Variants in BMPR1A observed in about 807,000 individuals in gnomAD.
BMPR1A encodes bone morphogenetic protein receptor type 1A.
In BMPR1A, 7 loss-of-function variants were observed where a neutral mutation model predicts 66.0. That is an observed-to-expected ratio of 0.11 (90% CI 0.06 to 0.20). The LOEUF is 0.20. Among genes scored for constraint, BMPR1A ranks in the 10% least tolerant of loss-of-function variants. The pLI is 1.00. For missense variants in BMPR1A, 408 were observed against 669.1 expected (o/e 0.61, Z 4.31); for synonymous variants, 200 against 229.7 (o/e 0.87, Z 1.17).
At chr10:86,932,153 T>C (rs1843817937), downstream of BMPR1A, 1 of 152,252 alleles carries the variant, frequency 6.6e-6, no homozygotes, top group South Asian at 2.1e-4. Flanking sequence ...TTGTAATGTT[T>C]GTAATGTCCA....
chr10:86,766,550 G>A (rs574141957), intron 1 of BMPR1A, among the ~76,000 whole-genome samples: 99 of 151,222 alleles, frequency 6.5e-4, no homozygotes, highest in Non-Finnish European at 1.1e-3. Context: ...CAAAATCTTC[G>A]TAACCATTCA....
At chr10:86,910,221 C>G (rs1412753660) in intron 7 of BMPR1A, among the ~76,000 whole-genome samples, 1 of 152,020 alleles carries the variant, frequency 6.6e-6, no homozygotes, top group Non-Finnish European at 1.5e-5. Flanking sequence ...CCTGTAATCC[C>G]AGCTACTCGG....
chr10:86,865,776 C>T (rs1842778799), intron 2 of BMPR1A, among the ~76,000 whole-genome samples: 1 of 152,230 alleles, frequency 6.6e-6, no homozygotes. Flanking sequence ...GGTCCCTGGT[C>T]AAACTGTATG....
In BMPR1A at chr10:86,923,480, G is replaced by C; in HGVS notation, c.1447G>C (p.Val483Leu). 1 of 1,614,206 alleles carries C rather than the reference G, an allele frequency of 6.2e-7. No homozygotes were observed. Among genetic ancestry groups the C allele is most frequent in the Non-Finnish European group, 8.5e-7 (1 of 1,180,028 alleles). The change falls in exon 12 of 13, where the codon GTG (valine) becomes CTG (leucine). Residue 483 changes from valine to leucine, a missense_variant. Physicochemically the swap from Val to Leu is conservative, Grantham distance 32. Transcript: ENST00000372037. The part of the protein sequence containing the change: ...VVCVKRLRPI[V>L]SNRWNSDECL... ...GTGTGTCAAACGTTTGCGGCCAATTGTGTCTAATCGGTGGAACAGTGATGA... is the reference window on the plus strand; with the variant it reads ...GTGTGTCAAACGTTTGCGGCCAATTCTGTCTAATCGGTGGAACAGTGATGA...
At chr10:86,890,008 A>C (rs1404038898) in intron 3 of BMPR1A, 54 bp from the exon 4 acceptor site, 3 of 1,596,934 alleles carry the variant, frequency 1.9e-6, no homozygotes, top group Non-Finnish European at 2.6e-6. Context: ...AATTGTCACG[A>C]AACAATGAGC....
At chr10:86,898,594 C>T (rs919252828) in intron 5 of BMPR1A, among the ~76,000 whole-genome samples, 1 of 152,152 alleles carries the variant, frequency 6.6e-6, no homozygotes, top group African/African-American at 2.4e-5. Context: ...AAGAATTGTT[C>T]GTTTTTCTCC....
rs190248309 is a variant in BMPR1A at position 86,811,609 on chromosome 10, G to A, written c.-267-27256G>A. Among the ~76,000 whole-genome samples the A allele has an allele frequency of 4.6e-5, 7 of 152,240 alleles. No homozygotes were observed. In the East Asian group the frequency reaches 1.4e-3, roughly 29 times the overall value. ...CAAATTGGCAGCTACACCAAGAGGT[G>A]TGATCAGATTCTGATGTTCAAGGGC... is the stretch of plus-strand genomic sequence containing the variant. On this transcript the variant is annotated intron_variant, in intron 1 of 12. Transcript: ENST00000372037.
At chr10:86,762,055 C>A (rs370769221) in intron 1 of BMPR1A, among the ~76,000 whole-genome samples, 1 of 152,190 alleles carries the variant, frequency 6.6e-6, no homozygotes, top group Non-Finnish European at 1.5e-5. Flanking sequence ...TCAAGTGACT[C>A]TTGCTTACAA....
intron 1 of BMPR1A, among the ~76,000 whole-genome samples, chr10:86,833,406 C>T (rs202222941): frequency 6.6e-6 from 1 of 152,224 alleles, no homozygotes; most frequent in East Asian, 1.9e-4. Context: ...TGAGAGCCTA[C>T]GTCAGACAAT....
chr10:86,832,988 TA>T (rs1437573328), intron 1 of BMPR1A, among the ~76,000 whole-genome samples: 4 of 152,206 alleles, frequency 2.6e-5, no homozygotes, highest in African/African-American at 9.7e-5. Context: ...CTCACGCTTA[TA>T]ATCCCAGTGA....
intron 3 of BMPR1A, among the ~76,000 whole-genome samples, chr10:86,881,594 T>A (rs188675441): frequency 6.9e-4 from 105 of 152,248 alleles, no homozygotes; most frequent in African/African-American, 2.2e-3. Context: ...GGCTACCATA[T>A]TGGACAGCAC....
At chr10:86,760,220 TG>T (rs1841023543) in intron 1 of BMPR1A, among the ~76,000 whole-genome samples, 12 of 131,332 alleles carry the variant, frequency 9.1e-5, no homozygotes, top group Admixed American at 2.3e-4. Context: ...AATACCTTAT[TG>T]TTTTTTCTTT....
At chr10:86,763,635 C>G (rs1012722224) in intron 1 of BMPR1A, among the ~76,000 whole-genome samples, 1 of 152,146 alleles carries the variant, frequency 6.6e-6, no homozygotes, top group African/African-American at 2.4e-5. Context: ...GGGAGTATGG[C>G]TTATGCCTGC....
At chr10:86,814,301 T>A (rs1842006651) in intron 1 of BMPR1A, among the ~76,000 whole-genome samples, 1 of 152,104 alleles carries the variant, frequency 6.6e-6, no homozygotes, top group South Asian at 2.1e-4. Context: ...TTTTTCTTAA[T>A]TTTGGCAAAA....
chr10:86,763,129 C>G (rs192747613), intron 1 of BMPR1A, among the ~76,000 whole-genome samples: 1 of 151,602 alleles, frequency 6.6e-6, no homozygotes, highest in Non-Finnish European at 1.5e-5. Context: ...CTCCTGACCT[C>G]GTGATCCGCC....
At chr10:86,825,019 A>G (rs1564696089) in intron 1 of BMPR1A, among the ~76,000 whole-genome samples, 2 of 152,168 alleles carry the variant, frequency 1.3e-5, no homozygotes, top group Non-Finnish European at 2.9e-5. Flanking sequence ...TATTAATAGG[A>G]CATTTAGAAA....
chr10:86,928,780 A>T (rs1170086011), downstream of BMPR1A: 2 of 151,662 alleles, frequency 1.3e-5, no homozygotes, highest in Non-Finnish European at 2.9e-5. Flanking sequence ...TCAGCCTCCC[A>T]AGTAGCCGGG....
chr10:86,762,403 G>T (rs996961879), intron 1 of BMPR1A, among the ~76,000 whole-genome samples: 7 of 152,290 alleles, frequency 4.6e-5, no homozygotes, highest in Middle Eastern at 3.4e-3. Context: ...ATGTTTCCCA[G>T]GCTGGAGTGC....
intron 1 of BMPR1A, among the ~76,000 whole-genome samples, chr10:86,817,855 T>C (rs1172030216): frequency 1.3e-5 from 2 of 152,158 alleles, no homozygotes; most frequent in African/African-American, 4.8e-5. Context: ...CCTTTCCAAC[T>C]CATTCTATGA....
Sources: gnomAD v4.1 joint callset for allele counts (sites outside exome capture counted in the v4.1 genomes callset) on GRCh38, gnomAD v4.1.1 for gene constraint, MANE v1.5 for transcripts, NCBI Gene and HGNC (gene_info 2026-07-23, HGNC 2026-07-21) for gene names.